ARL15: variants seen among roughly 807,000 people sequenced by gnomAD.
ARL15 encodes the protein ADP-ribosylation factor-like protein 15.
Under a neutral mutation model 25.2 loss-of-function variants are expected in ARL15, and 19 were observed. The ratio of observed to expected loss-of-function variants is 0.75; its 90% confidence interval spans 0.53 to 1.10. The LOEUF (loss-of-function observed/expected upper bound fraction) is 1.10, where lower values mean the gene tolerates loss of function less well. Ranked by LOEUF, ARL15 falls within the 50% of genes least tolerant of loss-of-function variation. The pLI is 0.00. For missense variants in ARL15, 220 were observed against 246.0 expected, an observed-to-expected ratio of 0.89 and a Z score of 0.71; for synonymous variants, 94 against 86.8, an observed-to-expected ratio of 1.08 and a Z score of -0.46.
intron 4 of ARL15, among the ~76,000 whole-genome samples, chr5:53,927,916 AC>A (rs1361902972): frequency 6.6e-6 from 1 of 151,978 alleles, no homozygotes; most frequent in Non-Finnish European, 1.5e-5. Flanking sequence ...TCCCTTAACC[AC>A]CCCGGGCTTC....
intron 4 of ARL15, 63 bp from the exon 5 acceptor site, chr5:53,886,776 A>T: frequency 7.0e-7 from 1 of 1,427,318 alleles, no homozygotes. Flanking sequence ...CTCATATCAA[A>T]ATTCTGAGGG....
At chr5:54,107,631 G>A (rs1407605752) in intron 4 of ARL15, among the ~76,000 whole-genome samples, 1 of 152,040 alleles carries the variant, frequency 6.6e-6, no homozygotes. Flanking sequence ...AAGTCTAGAT[G>A]TGGAGAATAA....
rs78007471 is a variant in ARL15, at chr5:53,930,768, T to A, written c.463-44055A>T. Among the ~76,000 whole-genome samples the A allele has an allele frequency of 4.6e-3, 704 of 152,272 alleles. 9 individuals carry two copies. The highest frequency in any genetic ancestry group is 0.016 in the African/African-American group (679 of 41,566). On this transcript the variant is annotated intron_variant, in intron 4 of 4. Coordinates refer to ENST00000504924, the MANE Select transcript of ARL15 (RefSeq NM_019087.3). ...GACCTCTGGACACTGTTAATTCAAGTGGTTTCCCTATAGAAAAGATGCAGG... is the reference window on the plus strand; with the variant it reads ...GACCTCTGGACACTGTTAATTCAAGAGGTTTCCCTATAGAAAAGATGCAGG...
chr5:54,007,755 G>A (rs1161438563), intron 4 of ARL15, among the ~76,000 whole-genome samples: 1 of 152,176 alleles, frequency 6.6e-6, no homozygotes, highest in East Asian at 1.9e-4. Context: ...TTTCCTTATA[G>A]ACCTTCTTTT....
chr5:54,046,782 C>T (rs956453239), intron 4 of ARL15, among the ~76,000 whole-genome samples: 1 of 152,024 alleles, frequency 6.6e-6, no homozygotes, highest in African/African-American at 2.4e-5. Flanking sequence ...GAAGGGGAGC[C>T]ACATGGTGGG....
intron 1 of ARL15, among the ~76,000 whole-genome samples, chr5:54,301,476 T>C (rs959891761): frequency 1.3e-5 from 2 of 152,122 alleles, no homozygotes; most frequent in African/African-American, 4.8e-5. Flanking sequence ...CAGGAGTCTT[T>C]AGTTTCATTT....
intron 1 of ARL15, among the ~76,000 whole-genome samples, chr5:54,181,022 G>A (rs560402767): frequency 3.3e-5 from 5 of 152,310 alleles, no homozygotes; most frequent in Admixed American, 3.3e-4. Context: ...GTCTCGGTAT[G>A]TGGAATTCAA....
At chr5:54,010,999 CAAA>C (rs550633292) in intron 4 of ARL15, among the ~76,000 whole-genome samples, 5 of 101,636 alleles carry the variant, frequency 4.9e-5, no homozygotes, top group Admixed American at 9.8e-5. Context: ...GGCTCCGTCT[CAAA>C]AAAAAAAAAA....
chr5:54,306,383 TA>T (rs1312577429), intron 1 of ARL15, among the ~76,000 whole-genome samples: 1 of 144,052 alleles, frequency 6.9e-6, no homozygotes, highest in Admixed American at 7.5e-5. Flanking sequence ...ATAATCACAA[TA>T]CGTTAACTTT....
At chr5:54,073,128 C>T (rs1250472349) in intron 4 of ARL15, among the ~76,000 whole-genome samples, 1 of 152,204 alleles carries the variant, frequency 6.6e-6, no homozygotes, top group Non-Finnish European at 1.5e-5. Flanking sequence ...TGTAACCATA[C>T]TGAACAGTTG....
intron 1 of ARL15, among the ~76,000 whole-genome samples, chr5:54,248,554 C>CT (rs1176438425): frequency 6.6e-6 from 1 of 152,228 alleles, no homozygotes; most frequent in Non-Finnish European, 1.5e-5. Context: ...CCCATACACT[C>CT]TTTTTTCTCA....
At chr5:54,279,374 G>GGT (rs1757998592) in intron 1 of ARL15, among the ~76,000 whole-genome samples, 2 of 152,116 alleles carry the variant, frequency 1.3e-5, no homozygotes, top group African/African-American at 4.8e-5. Context: ...AGATCAGGGT[G>GGT]CCGGCATGGT....
chr5:54,174,134 T>C (rs277339), intron 1 of ARL15, among the ~76,000 whole-genome samples: 141,147 of 152,102 alleles, frequency 0.93, 65,610 homozygotes, highest in East Asian at 0.99. Flanking sequence ...ATCTCAGTAC[T>C]CCCAGTGTCT....
intron 1 of ARL15, among the ~76,000 whole-genome samples, chr5:54,223,886 T>C (rs1271748700): frequency 6.6e-6 from 1 of 152,126 alleles, no homozygotes; most frequent in Non-Finnish European, 1.5e-5. Context: ...ACTTGAGTAC[T>C]GGAGGCATGT....
At chr5:54,154,386 T>G (rs1370715817) in intron 3 of ARL15, 194 bp downstream of exon 3, 3 of 448,428 alleles carry the variant, frequency 6.7e-6, no homozygotes, top group Non-Finnish European at 7.8e-6. Context: ...CCCCAAAGTT[T>G]ATGTTACTTA....
intron 4 of ARL15, among the ~76,000 whole-genome samples, chr5:54,014,033 C>T (rs540588080): frequency 5.9e-5 from 9 of 152,168 alleles, no homozygotes; most frequent in Non-Finnish European, 1.0e-4. Context: ...TAGGTGATTA[C>T]AAAATCTGAA....
chr5:53,959,250 C>G (rs1033006865), intron 4 of ARL15, among the ~76,000 whole-genome samples: 22 of 152,180 alleles, frequency 1.4e-4, no homozygotes, highest in African/African-American at 5.3e-4. Flanking sequence ...AATAAATGTG[C>G]TGGCTAATAA....
rs1561187175 is a variant in ARL15 at position 54,009,346 on chromosome 5, TA to T, written c.462+103855del. Among the ~76,000 whole-genome samples the T allele has an allele frequency of 2.0e-5, 3 of 152,342 alleles. No homozygotes were observed. In the East Asian group the frequency reaches 5.8e-4, roughly 29 times the overall value. ...ACAACCTAAAATTACCAGCTTTCCA[TA>T]AAAATTGTAAACTTTCTAACATTCA... is the stretch of plus-strand genomic sequence containing the variant. On this transcript the variant is annotated intron_variant, in intron 4 of 4. Transcript: ENST00000504924.
chr5:53,924,937 G>C (rs539871449), intron 4 of ARL15, among the ~76,000 whole-genome samples: 3 of 152,088 alleles, frequency 2.0e-5, no homozygotes, highest in Non-Finnish European at 4.4e-5. Context: ...TGTTAAGTTA[G>C]ACATATTAGA....
Sources: allele counts gnomAD v4.1 joint callset (sites outside exome capture counted in the v4.1 genomes callset), GRCh38; gene constraint gnomAD v4.1.1; transcripts MANE v1.5; gene names NCBI Gene and HGNC (gene_info 2026-07-23, HGNC 2026-07-21).